The following KCNK2 variants were observed in gnomAD, a reference collection of about 807,000 sequenced individuals.
The protein encoded by KCNK2 is potassium channel subfamily K member 2.
KCNK2 carries 21 observed loss-of-function variants against 40.5 expected under a neutral mutation model. The observed-to-expected ratio is 0.52, with a 90% CI of 0.37 to 0.75. The LOEUF is 0.75. Ranked by LOEUF, KCNK2 falls within the 30% of genes least tolerant of loss-of-function variation. The probability of loss-of-function intolerance (pLI) is 0.00; values close to 1 mark genes in which losing one functional copy is unlikely to be tolerated. For synonymous variants in KCNK2, 191 were observed against 202.2 expected (o/e 0.94, Z 0.47); for missense variants, 399 against 531.6 (o/e 0.75, Z 2.45).
chr1:215,056,699 T>A (rs1658183019), intron 1 of KCNK2, among the ~76,000 whole-genome samples: 1 of 140,958 alleles, frequency 7.1e-6, no homozygotes, highest in Non-Finnish European at 1.5e-5. Context: ...CAAATGATCC[T>A]CCTGCCTCAG....
intron 1 of KCNK2, among the ~76,000 whole-genome samples, chr1:215,032,435 A>G (rs1657235804): frequency 6.6e-6 from 1 of 152,046 alleles, no homozygotes; most frequent in South Asian, 2.1e-4. Flanking sequence ...AAAAAACAGT[A>G]AACTTTTTTT....
At chr1:215,030,774 T>C (rs1308786694) in intron 1 of KCNK2, among the ~76,000 whole-genome samples, 2 of 151,406 alleles carry the variant, frequency 1.3e-5, no homozygotes, top group African/African-American at 4.9e-5. Context: ...CTCAAACTCC[T>C]GGGCTCAAGT....
intron 2 of KCNK2, among the ~76,000 whole-genome samples, chr1:215,093,731 A>T (rs1222822614): frequency 1.1e-5 from 1 of 89,742 alleles, no homozygotes; most frequent in Non-Finnish European, 2.0e-5. Flanking sequence ...AAAATATATA[A>T]TATATAATAT....
chr1:215,067,567 G>A (rs1658601799), intron 1 of KCNK2, among the ~76,000 whole-genome samples: 1 of 152,098 alleles, frequency 6.6e-6, no homozygotes, highest in Admixed American at 6.6e-5. Flanking sequence ...ATCTAGGTCA[G>A]AGTCATGGCA....
chr1:215,032,097 T>C (rs968142855), intron 1 of KCNK2, among the ~76,000 whole-genome samples: 2 of 149,658 alleles, frequency 1.3e-5, no homozygotes, highest in African/African-American at 2.5e-5. Context: ...GTTACATCAA[T>C]TAAGGATTTT....
At chr1:215,101,414 T>G (rs4262516) in intron 2 of KCNK2, among the ~76,000 whole-genome samples, 27,636 of 151,450 alleles carry the variant, frequency 0.18, 3,356 homozygotes, top group South Asian at 0.45. Context: ...TTTTTTGGGG[T>G]GGGCAGGAAG....
At chr1:215,101,043 G>A (rs1419458519) in intron 2 of KCNK2, among the ~76,000 whole-genome samples, 1 of 136,190 alleles carries the variant, frequency 7.3e-6, no homozygotes, top group Non-Finnish European at 1.6e-5. Context: ...AAGATAGTTG[G>A]TGTGATGATC....
At chr1:215,086,813 A>C in intron 2 of KCNK2, 135 bp downstream of exon 2, 1 of 704,372 alleles carries the variant, frequency 1.4e-6, no homozygotes. Context: ...CTTAACATAT[A>C]GCTCTTTTCC....
chr1:215,080,831 C>A (rs1004350900), upstream of KCNK2, among the ~76,000 whole-genome samples: 1 of 152,168 alleles, frequency 6.6e-6, no homozygotes, highest in African/African-American at 2.4e-5. Flanking sequence ...GTCAACTTGA[C>A]TAGGCTACAG....
Position 215,014,534 on chromosome 1 carries a change from C to G in KCNK2, c.34+8579C>G, listed in dbSNP as rs189565456. On this transcript the variant is annotated intron_variant, in intron 1 of 6. Coordinates refer to the KCNK2 transcript ENST00000391895. Reference sequence around the variant, plus strand: ...TGATCAGCTGTGGAACAATACTGTTCCATCAAGAGGGTAGTAGTCTAGAAA... The same window carrying G: ...TGATCAGCTGTGGAACAATACTGTTGCATCAAGAGGGTAGTAGTCTAGAAA... Among the ~76,000 whole-genome samples the G allele has an allele frequency of 7.2e-5, 11 of 151,780 alleles. No individual in the cohort carries two copies. The East Asian group carries it at 1.6e-3, about 22-fold the overall frequency.
At chr1:215,209,484 A>ATG (rs1558140327) in intron 6 of KCNK2, among the ~76,000 whole-genome samples, 1 of 35,258 alleles carries the variant, frequency 2.8e-5, no homozygotes, top group African/African-American at 1.1e-4. Context: ...TATTATATAT[A>ATG]ATACATATAT....
chr1:215,062,825 A>T (rs780457003), intron 1 of KCNK2, among the ~76,000 whole-genome samples: 4 of 152,078 alleles, frequency 2.6e-5, no homozygotes, highest in Non-Finnish European at 5.9e-5. Context: ...CATGTATTAC[A>T]ACACCAACTC....
At chr1:215,028,672 A>G (rs1657080059) in intron 1 of KCNK2, among the ~76,000 whole-genome samples, 1 of 152,178 alleles carries the variant, frequency 6.6e-6, no homozygotes, top group Admixed American at 6.5e-5. Context: ...TATTATATTC[A>G]GTGAAATGCA....
chr1:215,050,367 A>T (rs1271912759), intron 1 of KCNK2, among the ~76,000 whole-genome samples: 2 of 152,188 alleles, frequency 1.3e-5, no homozygotes, highest in Non-Finnish European at 2.9e-5. Flanking sequence ...GATTTCTTGC[A>T]GTGTCATGTC....
chr1:215,029,542 A>G (rs958841097), intron 1 of KCNK2, among the ~76,000 whole-genome samples: 1 of 147,174 alleles, frequency 6.8e-6, no homozygotes, highest in Non-Finnish European at 1.5e-5. Flanking sequence ...AAATATATCC[A>G]AATATATCAA....
At chr1:215,012,006 G>T (rs571935793) in intron 1 of KCNK2, among the ~76,000 whole-genome samples, 2 of 152,184 alleles carry the variant, frequency 1.3e-5, no homozygotes, top group East Asian at 3.9e-4. Flanking sequence ...TTATTGCTGA[G>T]AAGTATTTTG....
chr1:215,221,282 G>T (rs576969244), intron 6 of KCNK2, among the ~76,000 whole-genome samples: 2 of 152,290 alleles, frequency 1.3e-5, no homozygotes, highest in African/African-American at 4.8e-5. Context: ...GCTGAGGCAG[G>T]AGAGTTGCTT....
In KCNK2 at chr1:215,039,634, A is replaced by G. The variant is rs528526790; in HGVS notation, c.34+33679A>G. Among the ~76,000 whole-genome samples, 5 of 152,282 alleles carry G rather than the reference A, an allele frequency of 3.3e-5. No individual in the cohort carries two copies. In the East Asian group the frequency reaches 7.7e-4, roughly 24 times the overall value. ...GAACACTTTATGACTTCAGAATACC[A>G]TTAACATTATCCTCAGAAACCAAAC... On this transcript the variant is annotated intron_variant, in intron 1 of 6. Transcript: ENST00000391895.
intron 1 of KCNK2, among the ~76,000 whole-genome samples, chr1:215,034,057 T>A (rs1657297729): frequency 6.6e-6 from 1 of 152,210 alleles, no homozygotes; most frequent in Admixed American, 6.5e-5. Flanking sequence ...TTGCCCTTCT[T>A]TGTATTCTCT....
Sources: allele counts gnomAD v4.1 joint callset (sites outside exome capture counted in the v4.1 genomes callset), GRCh38; gene constraint gnomAD v4.1.1; transcripts MANE v1.5; gene names NCBI Gene and HGNC (gene_info 2026-07-23, HGNC 2026-07-21).